Variants in MRAS observed in about 807,000 individuals in gnomAD.
MRAS encodes the protein ras-related protein M-Ras.
MRAS carries 4 observed loss-of-function variants against 20.9 expected under a neutral mutation model. That is an observed-to-expected ratio of 0.19 (90% CI 0.09 to 0.44). The LOEUF (loss-of-function observed/expected upper bound fraction) is 0.44. Among genes scored for constraint, MRAS ranks in the 20% least tolerant of loss-of-function variants. MRAS has a pLI of 0.99. For synonymous variants in MRAS, 98 were observed against 102.9 expected, an observed-to-expected ratio of 0.95 and a Z score of 0.29; for missense variants, 154 against 277.5, an observed-to-expected ratio of 0.56 and a Z score of 3.16.
intron 1 of MRAS, among the ~76,000 whole-genome samples, chr3:138,361,678 A>G (rs6776481): frequency 0.055 from 8,365 of 152,198 alleles, 728 homozygotes; most frequent in African/African-American, 0.19. Context: ...GAGTCAGAGC[A>G]GGGCTGGGAG....
chr3:138,352,680 G>C (rs573279031), intron 1 of MRAS, among the ~76,000 whole-genome samples: 1 of 152,216 alleles, frequency 6.6e-6, no homozygotes, highest in South Asian at 2.1e-4. Context: ...CCTCGCATCA[G>C]GCTACCTTGA....
chr3:138,364,221 G>T (rs748525502), intron 1 of MRAS, among the ~76,000 whole-genome samples: 1 of 152,148 alleles, frequency 6.6e-6, no homozygotes, highest in African/African-American at 2.4e-5. Context: ...GAGCTGTGTT[G>T]AACTGTCACC....
At chr3:138,380,459 T>C (rs6809480) in intron 2 of MRAS, among the ~76,000 whole-genome samples, 127,300 of 152,050 alleles carry the variant, frequency 0.84, 53,464 homozygotes, top group East Asian at 0.97. Context: ...ATTACAGGCG[T>C]GCACCACCAC....
rs950346078 is a variant in MRAS, at chr3:138,402,521, C to T, written c.*252C>T. The T allele has an allele frequency of 2.3e-6, 1 of 431,482 alleles. No homozygotes were observed. Among genetic ancestry groups the T allele is most frequent in the East Asian group, 3.5e-5 (1 of 28,290 alleles). The allele number at this position is 431,482 out of a possible 1,614,324, so 26.7% of individuals were successfully genotyped here. A position where few individuals can be genotyped will look rare whatever the true frequency, so the allele number is the denominator to read the frequency against. ...AGCATCCAAGTGCCCCTGGCCCCCC[C>T]ATGTGTTGATTCAACCCGGTTCCTC... is the stretch of plus-strand genomic sequence containing the variant. On this transcript the variant is annotated 3_prime_UTR_variant, in exon 6 of 6. Transcript: ENST00000423968.
In MRAS at chr3:138,405,428, C is replaced by T. The variant is rs965690491; in HGVS notation, c.*3159C>T. 6.5e-6 allele frequency: 1 copy of T among 152,704 alleles called. No homozygotes were observed. Among genetic ancestry groups the T allele is most frequent in the African/African-American group, 2.4e-5 (1 of 41,478 alleles). 9.5% of individuals were successfully genotyped at this position (152,704 alleles called of 1,614,324 possible). ...CATAGTCTTAACAGGTGGCCATTGT[C>T]GTGAAACGAGTGATGCCTGAAGATC... On this transcript the variant is annotated 3_prime_UTR_variant, in exon 6 of 6. Transcript: ENST00000423968.
intron 5 of MRAS, 101 bp from the exon 6 acceptor site, chr3:138,402,069 C>T: frequency 8.8e-7 from 1 of 1,135,036 alleles, no homozygotes; most frequent in Non-Finnish European, 1.3e-6. Context: ...CCCGCCAGAA[C>T]AGGCCTCCTC....
chr3:138,379,071 A>G (rs2054845032), intron 2 of MRAS, among the ~76,000 whole-genome samples: 1 of 152,188 alleles, frequency 6.6e-6, no homozygotes, highest in South Asian at 2.1e-4. Flanking sequence ...GAAATTTGCA[A>G]TGAATTATTG....
intron 1 of MRAS, among the ~76,000 whole-genome samples, chr3:138,356,211 GGCTGGC>G (rs2054330985): frequency 2.6e-5 from 4 of 152,188 alleles, no homozygotes; most frequent in Admixed American, 6.5e-5. Flanking sequence ...CTGTATATTA[GGCTGGC>G]CCTAGTATAC....
chr3:138,352,659 A>C (rs943398235), intron 1 of MRAS, among the ~76,000 whole-genome samples: 1 of 152,078 alleles, frequency 6.6e-6, no homozygotes, highest in African/African-American at 2.4e-5. Flanking sequence ...TGAGTCTCAG[A>C]GGGGTATAGT....
At chr3:138,367,723 C>T (rs1481790814) in intron 1 of MRAS, among the ~76,000 whole-genome samples, 3 of 152,148 alleles carry the variant, frequency 2.0e-5, no homozygotes, top group Non-Finnish European at 4.4e-5. Flanking sequence ...TGCCTGGCCC[C>T]GTGAGAGGCA....
chr3:138,398,352 C>G, intron 3 of MRAS, 117 bp from the exon 4 acceptor site: 1 of 808,372 alleles, frequency 1.2e-6, no homozygotes, highest in Non-Finnish European at 2.1e-6. Context: ...GCAGTCCAGG[C>G]TGACTGGGGA....
chr3:138,386,816 A>G (rs1357192768), intron 2 of MRAS, among the ~76,000 whole-genome samples: 1 of 152,160 alleles, frequency 6.6e-6, no homozygotes, highest in African/African-American at 2.4e-5. Flanking sequence ...TTCACCAGTC[A>G]ATGGACATTT....
intron 2 of MRAS, among the ~76,000 whole-genome samples, chr3:138,379,793 G>A (rs1092338): frequency 0.18 from 27,403 of 152,172 alleles, 3,241 homozygotes; most frequent in African/African-American, 0.34. Context: ...AAACATGGGA[G>A]TGCAGGTATC....
At chr3:138,355,826 G>T (rs988450897) in intron 1 of MRAS, among the ~76,000 whole-genome samples, 1 of 152,210 alleles carries the variant, frequency 6.6e-6, no homozygotes, top group African/African-American at 2.4e-5. Flanking sequence ...AGCTACTCCA[G>T]AGGCCAAGGC....
chr3:138,393,701 T>A (rs988056767), intron 2 of MRAS, among the ~76,000 whole-genome samples: 10 of 152,204 alleles, frequency 6.6e-5, no homozygotes, highest in African/African-American at 9.6e-5. Context: ...TTTTTCTTTT[T>A]TTTTTGAGAC....
intron 2 of MRAS, among the ~76,000 whole-genome samples, chr3:138,379,324 G>A (rs1043066380): frequency 7.0e-6 from 1 of 143,758 alleles, no homozygotes; most frequent in African/African-American, 2.6e-5. Flanking sequence ...ATGACCTCCA[G>A]TTCCATCCAT....
rs148833911 is a variant in MRAS at position 138,387,065 on chromosome 3, TCCTGGTAGATC to T, written c.194-10254_194-10244del. 2.8e-4 allele frequency among the ~76,000 whole-genome samples: 42 copies of T among 152,324 alleles called. No homozygotes were observed. In the East Asian group the frequency reaches 8.1e-3, roughly 29 times the overall value. On this transcript the variant is annotated intron_variant, in intron 2 of 5. Transcript: ENST00000423968. ...GGGGTGCAAGCATGTGGAATTTATCTCCTGGTAGATCCCTGTTTCAATTCCTGAGCTGAGAG... is the reference window on the plus strand; with the variant it reads ...GGGGTGCAAGCATGTGGAATTTATCTCCTGTTTCAATTCCTGAGCTGAGAG...
chr3:138,354,668 T>C (rs1344093244), intron 1 of MRAS, among the ~76,000 whole-genome samples: 1 of 152,244 alleles, frequency 6.6e-6, no homozygotes, highest in Non-Finnish European at 1.5e-5. Flanking sequence ...CTGTAGAGCA[T>C]GGTTTAGTCA....
chr3:138,375,098 G>A (rs1164543349), intron 2 of MRAS, among the ~76,000 whole-genome samples: 1 of 152,100 alleles, frequency 6.6e-6, no homozygotes, highest in African/African-American at 2.4e-5. Context: ...TGTCGCCCAG[G>A]CTGGTCTTGA....
Sources: gnomAD v4.1 joint callset for allele counts (sites outside exome capture counted in the v4.1 genomes callset) on GRCh38, gnomAD v4.1.1 for gene constraint, MANE v1.5 for transcripts, NCBI Gene and HGNC (gene_info 2026-07-23, HGNC 2026-07-21) for gene names.